TMEM108: variants seen among roughly 807,000 people sequenced by gnomAD.
The protein encoded by TMEM108 is transmembrane protein 108, also known as cancer/testis antigen 124.
In TMEM108, 12 loss-of-function variants were observed where a neutral mutation model predicts 35.1. That is an observed-to-expected ratio of 0.34 (90% CI 0.22 to 0.55). TMEM108 has a LOEUF of 0.55. Among genes scored for constraint, TMEM108 ranks in the 20% least tolerant of loss-of-function variants. The probability of loss-of-function intolerance (pLI) is 0.89; values close to 1 mark genes in which losing one functional copy is unlikely to be tolerated. For missense variants in TMEM108, 680 were observed against 753.3 expected (o/e 0.90, Z 1.14); for synonymous variants, 287 against 308.6 (o/e 0.93, Z 0.73).
chr3:133,111,103 C>T (rs945499354), intron 2 of TMEM108, among the ~76,000 whole-genome samples: 3 of 152,100 alleles, frequency 2.0e-5, no homozygotes, highest in Admixed American at 6.6e-5. Flanking sequence ...TCCATAGTGC[C>T]CAGACAACCA....
At chr3:133,100,985 A>T (rs1260587021) in intron 2 of TMEM108, among the ~76,000 whole-genome samples, 1 of 150,938 alleles carries the variant, frequency 6.6e-6, no homozygotes, top group Non-Finnish European at 1.5e-5. Context: ...TTATACCTAC[A>T]TTAAGAACAT....
chr3:133,381,886 G>C (rs1488153350), intron 4 of TMEM108, among the ~76,000 whole-genome samples: 1 of 152,034 alleles, frequency 6.6e-6, no homozygotes, highest in African/African-American at 2.4e-5. Context: ...TTGTTCGTAG[G>C]TGATGTGAGC....
At chr3:133,324,489 G>A (rs945629948) in intron 3 of TMEM108, among the ~76,000 whole-genome samples, 1 of 152,192 alleles carries the variant, frequency 6.6e-6, no homozygotes, top group Non-Finnish European at 1.5e-5. Flanking sequence ...ATTCCTGCAG[G>A]AATGGCTATA....
At chr3:133,103,360 A>G (rs1281436867) in intron 2 of TMEM108, among the ~76,000 whole-genome samples, 1 of 152,180 alleles carries the variant, frequency 6.6e-6, no homozygotes, top group Non-Finnish European at 1.5e-5. Context: ...GCATGTTCTC[A>G]CTTACAAGTG....
At chr3:133,234,899 A>G (rs1946210934) in intron 3 of TMEM108, among the ~76,000 whole-genome samples, 1 of 152,196 alleles carries the variant, frequency 6.6e-6, no homozygotes, top group African/African-American at 2.4e-5. Flanking sequence ...AAGCAACTTC[A>G]ACAGTCTCAG....
intron 3 of TMEM108, among the ~76,000 whole-genome samples, chr3:133,244,531 G>T (rs768786212): frequency 3.9e-5 from 6 of 152,132 alleles, no homozygotes; most frequent in Non-Finnish European, 5.9e-5. Flanking sequence ...ATTGAAGTTC[G>T]CCCTGGATGT....
intron 2 of TMEM108, among the ~76,000 whole-genome samples, chr3:133,143,690 G>C (rs1214173730): frequency 6.6e-6 from 1 of 152,124 alleles, no homozygotes; most frequent in African/African-American, 2.4e-5. Flanking sequence ...AGCCCCCTGG[G>C]TAGATTCTAA....
intron 2 of TMEM108, among the ~76,000 whole-genome samples, chr3:133,062,999 A>G (rs1162677706): frequency 2.6e-5 from 4 of 152,154 alleles, no homozygotes; most frequent in Admixed American, 1.3e-4. Context: ...GTGAATTTGG[A>G]CATGAGGAGG....
At chr3:133,145,405 C>T (rs1428181665) in intron 2 of TMEM108, among the ~76,000 whole-genome samples, 2 of 152,116 alleles carry the variant, frequency 1.3e-5, no homozygotes, top group Non-Finnish European at 1.5e-5. Flanking sequence ...ATGATGCCTC[C>T]AGCTTTATTG....
intron 3 of TMEM108, among the ~76,000 whole-genome samples, chr3:133,327,399 A>G (rs1173148582): frequency 2.0e-5 from 3 of 152,196 alleles, no homozygotes; most frequent in Non-Finnish European, 2.9e-5. Context: ...TTATCCAACT[A>G]GGCCTGACTG....
At chr3:133,279,947 A>G (rs1946889881) in intron 3 of TMEM108, among the ~76,000 whole-genome samples, 1 of 152,254 alleles carries the variant, frequency 6.6e-6, no homozygotes, top group South Asian at 2.1e-4. Context: ...TATGCCAACT[A>G]GTCAAGTGCA....
intron 2 of TMEM108, among the ~76,000 whole-genome samples, chr3:133,071,751 A>G (rs1943678708): frequency 6.6e-6 from 1 of 152,190 alleles, no homozygotes; most frequent in South Asian, 2.1e-4. Flanking sequence ...TTTATCAGAC[A>G]TATAATTTTC....
intron 2 of TMEM108, among the ~76,000 whole-genome samples, chr3:133,158,466 A>T (rs1192577608): frequency 1.2e-4 from 3 of 24,648 alleles, no homozygotes; most frequent in African/African-American, 2.9e-4. Context: ...GACTCTGTCT[A>T]AAAAAAAAAA....
intron 2 of TMEM108, among the ~76,000 whole-genome samples, chr3:133,058,619 GC>G (rs1943501406): frequency 6.6e-6 from 1 of 152,252 alleles, no homozygotes; most frequent in Non-Finnish European, 1.5e-5. Context: ...GGGGTGAGAG[GC>G]CCCCAGAGAG....
intron 3 of TMEM108, among the ~76,000 whole-genome samples, chr3:133,255,453 A>C: frequency 6.6e-6 from 1 of 152,232 alleles, no homozygotes; most frequent in Non-Finnish European, 1.5e-5. Flanking sequence ...CAATGTACTA[A>C]AACAGAGCTT....
intron 2 of TMEM108, among the ~76,000 whole-genome samples, chr3:133,092,990 G>GTT (rs11293731): frequency 1.8e-4 from 25 of 137,598 alleles, no homozygotes; most frequent in Admixed American, 3.0e-4. Flanking sequence ...TGTAGGTAAA[G>GTT]TTTTTTTTTT....
At chr3:133,299,163 C>A (rs1421604611) in intron 3 of TMEM108, among the ~76,000 whole-genome samples, 1 of 152,146 alleles carries the variant, frequency 6.6e-6, no homozygotes, top group Non-Finnish European at 1.5e-5. Context: ...TTGGATGATA[C>A]CTTGCAGCCA....
chr3:133,226,349 A>G (rs1946070760), intron 2 of TMEM108, among the ~76,000 whole-genome samples: 1 of 152,248 alleles, frequency 6.6e-6, no homozygotes, highest in African/African-American at 2.4e-5. Context: ...TGCAGTATGT[A>G]AATTTCCTCT....
At chr3:133,326,359 G>A (rs2107723735) in intron 3 of TMEM108, among the ~76,000 whole-genome samples, 1 of 152,212 alleles carries the variant, frequency 6.6e-6, no homozygotes, top group Non-Finnish European at 1.5e-5. Context: ...CAGCCCCAAG[G>A]ACGTGTCACC....
Sources: allele counts gnomAD v4.1 joint callset (sites outside exome capture counted in the v4.1 genomes callset), GRCh38; gene constraint gnomAD v4.1.1; transcripts MANE v1.5; gene names NCBI Gene and HGNC (gene_info 2026-07-23, HGNC 2026-07-21).